Variants in CTNNA1 observed in about 807,000 individuals in gnomAD.
CTNNA1 encodes catenin alpha-1.
In CTNNA1, 37 loss-of-function variants were observed where a neutral mutation model predicts 98.4. The ratio of observed to expected loss-of-function variants is 0.38; its 90% CI spans 0.29 to 0.49. CTNNA1 has a LOEUF of 0.49. CTNNA1 is among the 20% of genes least tolerant of loss of function. The probability of loss-of-function intolerance (pLI) is 0.95; values close to 1 mark genes in which losing one functional copy is unlikely to be tolerated. For missense variants in CTNNA1, 761 were observed against 1,147.2 expected (o/e 0.66, Z 4.86); for synonymous variants, 404 against 413.2 (o/e 0.98, Z 0.27).
intron 5 of CTNNA1, among the ~76,000 whole-genome samples, chr5:138,815,208 A>AT (rs1178752070): frequency 6.6e-6 from 1 of 151,728 alleles, no homozygotes; most frequent in South Asian, 2.1e-4. Flanking sequence ...TCCCTTATGT[A>AT]TTTTTTTCAT....
At chr5:138,790,202 A>C (rs1017113030) in intron 3 of CTNNA1, among the ~76,000 whole-genome samples, 2 of 152,206 alleles carry the variant, frequency 1.3e-5, no homozygotes, top group African/African-American at 4.8e-5. Context: ...GCCAGTTGTC[A>C]TGCATGTTAA....
intron 7 of CTNNA1, among the ~76,000 whole-genome samples, chr5:138,852,859 T>TCGCGCG (rs1554089776): frequency 3.8e-4 from 6 of 15,644 alleles, no homozygotes; most frequent in Non-Finnish European, 8.8e-4. Context: ...TTCCCTCTTT[T>TCGCGCG]CGCGCGCGCG....
chr5:138,917,457 TG>T (rs1222640964), intron 10 of CTNNA1, among the ~76,000 whole-genome samples: 1 of 152,220 alleles, frequency 6.6e-6, no homozygotes, highest in Non-Finnish European at 1.5e-5. Flanking sequence ...TGTGTCTATA[TG>T]AGGAGAAAAA....
At chr5:138,931,970 G>A (rs1040445609) in intron 16 of CTNNA1, 2 of 985,326 alleles carry the variant, frequency 2.0e-6, no homozygotes, top group African/African-American at 3.5e-5. Context: ...CTAAAACTCT[G>A]AGATGTGGAG....
At chr5:138,931,822 A>T (rs551994469) in intron 16 of CTNNA1, 1 of 985,376 alleles carries the variant, frequency 1.0e-6, no homozygotes, top group South Asian at 4.7e-5. Context: ...GCGGGGTCTC[A>T]GTTCATACCA....
chr5:138,842,378 A>G (rs1762347782), intron 7 of CTNNA1, among the ~76,000 whole-genome samples: 1 of 152,242 alleles, frequency 6.6e-6, no homozygotes, highest in Non-Finnish European at 1.5e-5. Context: ...GGAGCAGAGC[A>G]TATTGTTTAT....
chr5:138,904,237 CT>C (rs1758677733), intron 9 of CTNNA1, 111 bp from the exon 10 acceptor site: 1 of 1,315,704 alleles, frequency 7.6e-7, no homozygotes, highest in Non-Finnish European at 1.0e-6. Context: ...GGGAGGCACC[CT>C]TGGTGCCCTT....
chr5:138,809,999 T>C lies in CTNNA1; in HGVS notation c.302-39T>C, dbSNP rs202108986. ...TAAAAATGTAGATCAGTTATTTGAG[T>C]TCATTCTTGCTGAGTTTGTTTTTCA... On this transcript the variant is annotated intron_variant, in intron 3 of 17. Transcript: ENST00000302763. 2.6e-6 allele frequency: 4 copies of C among 1,568,618 alleles called. No homozygotes were observed. The African/African-American group carries it at 4.0e-5, about 16-fold the overall frequency.
chr5:138,791,421 C>T (rs1296149577), intron 3 of CTNNA1, among the ~76,000 whole-genome samples: 4 of 151,600 alleles, frequency 2.6e-5, no homozygotes. Flanking sequence ...GATGAAGACC[C>T]TCCTGGCCAA....
chr5:138,756,457 G>A (rs1751657676), intron 1 of CTNNA1, among the ~76,000 whole-genome samples: 1 of 152,108 alleles, frequency 6.6e-6, no homozygotes, highest in South Asian at 2.1e-4. Context: ...GTGAGCCACC[G>A]CACTTTCGGA....
intron 7 of CTNNA1, among the ~76,000 whole-genome samples, chr5:138,830,372 A>G (rs995170273): frequency 6.6e-6 from 1 of 152,218 alleles, no homozygotes; most frequent in African/African-American, 2.4e-5. Context: ...AAAAACAAAA[A>G]AGCACAAAAG....
intron 14 of CTNNA1, among the ~76,000 whole-genome samples, chr5:138,930,104 T>C (rs1764981489): frequency 6.6e-6 from 1 of 152,194 alleles, no homozygotes; most frequent in Admixed American, 6.5e-5. Flanking sequence ...GTTGGAAATG[T>C]CCATCAGGGC....
chr5:138,798,520 T>G (rs568523403), intron 3 of CTNNA1, among the ~76,000 whole-genome samples: 3 of 152,210 alleles, frequency 2.0e-5, no homozygotes, highest in African/African-American at 7.2e-5. Context: ...CCAAATATTT[T>G]CCAAGCCTAT....
At chr5:138,771,756 T>A (rs1274212103) in intron 1 of CTNNA1, among the ~76,000 whole-genome samples, 1 of 152,220 alleles carries the variant, frequency 6.6e-6, no homozygotes, top group African/African-American at 2.4e-5. Flanking sequence ...GTGTTAACTC[T>A]GCTTGATGCA....
chr5:138,797,970 A>G (rs955291286), intron 3 of CTNNA1, among the ~76,000 whole-genome samples: 1 of 152,168 alleles, frequency 6.6e-6, no homozygotes, highest in Non-Finnish European at 1.5e-5. Context: ...AGGAACAATT[A>G]TTACTACTTT....
intron 3 of CTNNA1, among the ~76,000 whole-genome samples, chr5:138,796,438 G>C (rs1756978882): frequency 1.3e-5 from 2 of 152,150 alleles, no homozygotes; most frequent in Non-Finnish European, 2.9e-5. Context: ...CAGCTACTGG[G>C]GAGGCTAAGG....
chr5:138,773,648 T>C (rs1053789731), intron 1 of CTNNA1, among the ~76,000 whole-genome samples: 3 of 76,744 alleles, frequency 3.9e-5, no homozygotes, highest in South Asian at 8.8e-4. Context: ...TGTAAGTGAG[T>C]GATTAGAGTC....
intron 1 of CTNNA1, among the ~76,000 whole-genome samples, chr5:138,780,879 A>G (rs142003228): frequency 1.5e-4 from 23 of 152,310 alleles, no homozygotes; most frequent in Admixed American, 6.5e-4. Context: ...TGTTTACCTC[A>G]GCTTCATGCC....
At chr5:138,779,429 T>A (rs957839350) in intron 1 of CTNNA1, among the ~76,000 whole-genome samples, 4 of 152,196 alleles carry the variant, frequency 2.6e-5, no homozygotes, top group African/African-American at 9.7e-5. Context: ...AGCCCTTGCT[T>A]CCTGTGTCTT....
Sources: allele counts gnomAD v4.1 joint callset (sites outside exome capture counted in the v4.1 genomes callset), GRCh38; gene constraint gnomAD v4.1.1; transcripts MANE v1.5; gene names NCBI Gene and HGNC (gene_info 2026-07-23, HGNC 2026-07-21).